Variants in MGAM observed in about 807,000 individuals in gnomAD.
The protein encoded by MGAM is maltase-glucoamylase.
A neutral mutation model predicts 358.8 loss-of-function variants in MGAM; 253 were observed. The ratio of observed to expected loss-of-function variants is 0.71; its 90% CI spans 0.64 to 0.78. MGAM has a LOEUF of 0.78. Among genes scored for constraint, MGAM ranks in the 30% least tolerant of loss-of-function variants. The pLI, the probability that MGAM is intolerant of heterozygous loss-of-function variation, is 0.00. For missense variants in MGAM, 3,080 were observed against 3,432.6 expected (o/e 0.90, Z 2.57); for synonymous variants, 1,105 against 1,227.1 (o/e 0.90, Z 2.08).
At chr7:142,050,966 C>G in intron 24 of MGAM, 102 bp downstream of exon 24, 2 of 1,485,932 alleles carry the variant, frequency 1.3e-6, no homozygotes, top group Non-Finnish European at 1.9e-6. Context: ...ACCAGGGCAC[C>G]TTTGAGGCCT....
At chr7:141,992,071 T>C (rs1441296848), upstream of MGAM, among the ~76,000 whole-genome samples, 1 of 152,210 alleles carries the variant, frequency 6.6e-6, no homozygotes, top group Non-Finnish European at 1.5e-5. Context: ...ATTGGCATAT[T>C]TGAATGGGCC....
At chr7:142,043,055 A>T (rs1426081009) in intron 21 of MGAM, among the ~76,000 whole-genome samples, 2 of 76,784 alleles carry the variant, frequency 2.6e-5, no homozygotes, top group East Asian at 6.9e-4. Flanking sequence ...TAATATCTAT[A>T]TTATATATAC....
chr7:142,069,232 G>T (rs1041122627), intron 43 of MGAM, among the ~76,000 whole-genome samples: 4 of 145,940 alleles, frequency 2.7e-5, no homozygotes, highest in Non-Finnish European at 6.2e-5. Context: ...AGAGGTATGG[G>T]ACCCAACCCT....
chr7:142,008,170 T>G (rs931515696), intron 2 of MGAM, among the ~76,000 whole-genome samples: 3 of 152,206 alleles, frequency 2.0e-5, no homozygotes, highest in Admixed American at 6.5e-5. Context: ...GGCTTTGACT[T>G]AATTTGGCCT....
chr7:142,005,423 C>A, intron 1 of MGAM, 106 bp from the exon 2 acceptor site: 2 of 745,006 alleles, frequency 2.7e-6, no homozygotes, highest in Non-Finnish European at 2.0e-6. Flanking sequence ...GCTTGGGAGG[C>A]TTGTTATAGT....
Position 142,086,263 on chromosome 7 carries a change from A to T in MGAM, c.6682A>T (p.Thr2228Ser). The change falls in exon 56 of 71, where the codon ACT becomes TCT. Residue 2228 changes from threonine to serine, a missense_variant. This residue lies in a region of MGAM where 932 missense variants were observed against 1,198.2 expected (regional missense o/e 0.78). Coordinates refer to ENST00000475668, the MANE Select transcript of MGAM (RefSeq NM_001365693.1). ...GNETQPYPAF[T>S]RGVEDDVFIK... ...TGAGACACAGCCCTATCCTGCCTTCACTCGGGGCGTGGAGGATGACGTCTT... is the reference window on the plus strand; with the variant it reads ...TGAGACACAGCCCTATCCTGCCTTCTCTCGGGGCGTGGAGGATGACGTCTT... The T allele has an allele frequency of 6.5e-7, 1 of 1,544,262 alleles. No homozygotes were observed.
intron 26 of MGAM, among the ~76,000 whole-genome samples, chr7:142,054,253 C>A (rs1811279949): frequency 6.6e-6 from 1 of 152,196 alleles, no homozygotes; most frequent in Non-Finnish European, 1.5e-5. Flanking sequence ...TTTCGTAAAA[C>A]CATAACACTG....
At chr7:142,073,858 T>C (rs1346043142) in intron 44 of MGAM, among the ~76,000 whole-genome samples, 1 of 146,326 alleles carries the variant, frequency 6.8e-6, no homozygotes, top group African/African-American at 2.4e-5. Flanking sequence ...CTTAAATTCT[T>C]GCCTCCAACG....
In MGAM at chr7:142,098,423, C is replaced by T. The variant is rs564569679; in HGVS notation, c.7749+774C>T. Among the ~76,000 whole-genome samples, 235 of 152,150 alleles carry T rather than the reference C, an allele frequency of 1.5e-3. 2 individuals carry two copies. Among genetic ancestry groups the T allele is most frequent in the African/African-American group, 5.3e-3 (221 of 41,508 alleles). ...GCCTCTTCTGACTTTCTGAGGAGAA[C>T]ATCGTTGAGGGCTGGAAATACAGCA... On this transcript the variant is annotated intron_variant, in intron 66 of 70. Transcript: ENST00000475668.
Position 142,030,830 on chromosome 7 carries a change from G to C in MGAM, c.1470+73G>C, listed in dbSNP as rs891330832. Reference sequence around the variant, plus strand: ...TGTTTGAATGTGTCTGTGTGTGTGTGTGTGTGTGTGCATGTAATTGTTTTA... The same window carrying C: ...TGTTTGAATGTGTCTGTGTGTGTGTCTGTGTGTGTGCATGTAATTGTTTTA... On this transcript the variant is annotated intron_variant, in intron 12 of 70. Transcript: ENST00000475668. 1.0e-5 allele frequency: 9 copies of C among 867,374 alleles called. No homozygotes were observed. In the African/African-American group the frequency reaches 1.5e-4, roughly 15 times the overall value. The allele number at this position is 867,374 out of a possible 1,614,324, so 53.7% of individuals were successfully genotyped here. A position where few individuals can be genotyped will look rare whatever the true frequency, so the allele number is the denominator to read the frequency against.
intron 2 of MGAM, 143 bp from the exon 3 acceptor site, chr7:142,008,363 T>G: frequency 4.7e-6 from 4 of 859,782 alleles, no homozygotes; most frequent in Non-Finnish European, 7.1e-6. Flanking sequence ...CAAAGTGACA[T>G]TTTATAAAGT....
At chr7:142,054,182 C>G (rs1811273540) in intron 26 of MGAM, among the ~76,000 whole-genome samples, 1 of 152,358 alleles carries the variant, frequency 6.6e-6, no homozygotes, top group Middle Eastern at 3.4e-3. Context: ...ATAGCTCTCC[C>G]TTAGCACACA....
rs1191251868 is a variant in MGAM at position 142,089,183 on chromosome 7, C to T, written c.6810+2466C>T. On this transcript the variant is annotated intron_variant, in intron 57 of 70. Coordinates refer to ENST00000475668, the MANE Select transcript of MGAM (RefSeq NM_001365693.1). ...GGGTCATGGGCTTCCTGACTTTTATCAAGTAGTCAGTATCAGAACCCCACA... is the reference window on the plus strand; with the variant it reads ...GGGTCATGGGCTTCCTGACTTTTATTAAGTAGTCAGTATCAGAACCCCACA... Among the ~76,000 whole-genome samples, 2 of 145,824 alleles carry T rather than the reference C, an allele frequency of 1.4e-5. 1 individual carries two copies. Among genetic ancestry groups the T allele is most frequent in the Non-Finnish European group, 3.1e-5 (2 of 64,460 alleles).
chr7:142,088,721 ATGTCTGTCTGTCTGTC>A (rs1283708069), intron 57 of MGAM, among the ~76,000 whole-genome samples: 10 of 118,616 alleles, frequency 8.4e-5, no homozygotes, highest in South Asian at 5.7e-4. Flanking sequence ...CTATTCATTT[ATGTCTGTCTGTCTGTC>A]TGTCTGTCTG....
At chr7:142,051,868 C>T (rs1416562585) in intron 24 of MGAM, among the ~76,000 whole-genome samples, 1 of 152,008 alleles carries the variant, frequency 6.6e-6, no homozygotes, top group Admixed American at 6.6e-5. Flanking sequence ...GGCATGATAA[C>T]CAGGTCATAT....
At chr7:142,043,103 A>G (rs1809269093) in intron 21 of MGAM, among the ~76,000 whole-genome samples, 1 of 57,628 alleles carries the variant, frequency 1.7e-5, no homozygotes, top group Non-Finnish European at 2.7e-5. Context: ...TTATATATAC[A>G]TATAATATCT....
At chr7:142,045,580 A>G (rs1359806051) in intron 21 of MGAM, among the ~76,000 whole-genome samples, 1 of 110,858 alleles carries the variant, frequency 9.0e-6, no homozygotes, top group Non-Finnish European at 1.7e-5. Flanking sequence ...TATATATTAT[A>G]TATACATACA....
intron 51 of MGAM, 130 bp downstream of exon 51, chr7:142,082,340 G>T: frequency 7.7e-7 from 1 of 1,292,900 alleles, no homozygotes; most frequent in African/African-American, 1.4e-5. Flanking sequence ...CCAATTCTCA[G>T]GCTCCTTTGT....
chr7:142,042,039 A>G (rs1402514874), intron 21 of MGAM, among the ~76,000 whole-genome samples: 3 of 41,058 alleles, frequency 7.3e-5, no homozygotes, highest in African/African-American at 4.8e-4. Context: ...TATTATATAC[A>G]TATAATATAT....
Sources: allele counts gnomAD v4.1 joint callset (sites outside exome capture counted in the v4.1 genomes callset), GRCh38; gene constraint gnomAD v4.1.1; regional missense constraint gnomAD v4.1.1; transcripts MANE v1.5; gene names NCBI Gene and HGNC (gene_info 2026-07-23, HGNC 2026-07-21).